Variants in ADSL observed in about 807,000 individuals in gnomAD.
The protein encoded by ADSL is adenylosuccinase.
In ADSL, 44 loss-of-function variants were observed where a neutral mutation model predicts 62.1. The ratio of observed to expected loss-of-function variants is 0.71; its 90% CI spans 0.56 to 0.91. ADSL has a LOEUF of 0.91. Ranked by LOEUF, ADSL falls within the 40% of genes least tolerant of loss-of-function variation. The pLI, the probability that ADSL is intolerant of heterozygous loss-of-function variation, is 0.00. For missense variants in ADSL, 531 were observed against 627.4 expected (o/e 0.85, Z 1.64); for synonymous variants, 198 against 220.5 (o/e 0.90, Z 0.90).
intron 4 of ADSL, among the ~76,000 whole-genome samples, chr22:40,355,685 ATGCTAATT>A (rs1601570684): frequency 1.3e-5 from 2 of 152,228 alleles, no homozygotes; most frequent in African/African-American, 4.8e-5. Context: ...GAACAAGTCC[ATGCTAATT>A]TACTTCTTTC....
chr22:40,352,514 C>T (rs928403052), intron 2 of ADSL, among the ~76,000 whole-genome samples: 13 of 151,808 alleles, frequency 8.6e-5, no homozygotes, highest in Non-Finnish European at 8.8e-5. Context: ...GGCGACAGAG[C>T]GAGACTCCCA....
rs2045074099 is a variant in ADSL, at chr22:40,368,712, A to AG, written c.*2192dup. 1 of 152,190 alleles carries AG rather than the reference A, an allele frequency of 6.6e-6. No individual in the cohort carries two copies. The highest frequency in any genetic ancestry group is 2.4e-5 in the African/African-American group (1 of 41,422). 9.4% of individuals were successfully genotyped at this position (152,190 alleles called of 1,614,324 possible). A position where few individuals can be genotyped will look rare whatever the true frequency, so the allele number is the denominator to read the frequency against. On this transcript the variant is annotated 3_prime_UTR_variant, in exon 13 of 13. Coordinates refer to ENST00000623063, the MANE Select transcript of ADSL (RefSeq NM_000026.4). Reference sequence around the variant, plus strand: ...GAGGCCGAGGCAGGTGGATCACCTGAGGTCAGGAGTTCGAGACCAGCTTGA... The same window carrying AG: ...GAGGCCGAGGCAGGTGGATCACCTGAGGGTCAGGAGTTCGAGACCAGCTTGA...
At chr22:40,375,158 G>C (rs1601687872) in intron 2 of ADSL, among the ~76,000 whole-genome samples, 1 of 152,052 alleles carries the variant, frequency 6.6e-6, no homozygotes, top group East Asian at 1.9e-4. Flanking sequence ...ACATATTTCT[G>C]CTTTTTCTAA....
At chr22:40,366,101 A>G (rs1342232927) in intron 12 of ADSL, among the ~76,000 whole-genome samples, 1 of 151,862 alleles carries the variant, frequency 6.6e-6, no homozygotes, top group Admixed American at 6.6e-5. Flanking sequence ...GGGGAGGGAG[A>G]GGAGGTTAAG....
At chr22:40,361,373 C>T (rs1392821344) in intron 8 of ADSL, 31 bp downstream of exon 8, 1 of 1,612,950 alleles carries the variant, frequency 6.2e-7, no homozygotes, top group Admixed American at 1.7e-5. Context: ...TGTGAGCACA[C>T]ATTGCTGCTG....
rs1455248909 is a variant in ADSL at position 40,387,428 on chromosome 22, T to C, written c.90-2802T>C. 4 of 379,092 alleles carry C rather than the reference T, an allele frequency of 1.1e-5. No individual in the cohort carries two copies. In the East Asian group the frequency reaches 1.5e-4, roughly 14 times the overall value. The allele number at this position is 379,092 out of a possible 1,614,324, so 23.5% of individuals were successfully genotyped here. A position where few individuals can be genotyped will look rare whatever the true frequency, so the allele number is the denominator to read the frequency against. ...AGATGAGATAGTTTGTTGACCTGTG[T>C]AGTTTAATTATATGAAAAATAGCAA... On this transcript the variant is annotated intron_variant, in intron 2 of 2. Coordinates refer to the ADSL transcript ENST00000498234.
chr22:40,375,695 T>C (rs1026647033), intron 2 of ADSL, among the ~76,000 whole-genome samples: 1 of 151,608 alleles, frequency 6.6e-6, no homozygotes, highest in Non-Finnish European at 1.5e-5. Flanking sequence ...AACAAAATTA[T>C]GTGACTTTTC....
intron 2 of ADSL, among the ~76,000 whole-genome samples, chr22:40,374,746 G>T (rs12160264): frequency 1.6e-4 from 24 of 152,368 alleles, no homozygotes; most frequent in African/African-American, 5.8e-4. Context: ...CAGTCATGGT[G>T]ATGTGCGCCT....
intron 11 of ADSL, 79 bp from the exon 12 acceptor site, chr22:40,364,801 G>A (rs2044935628): frequency 6.9e-7 from 1 of 1,452,290 alleles, no homozygotes; most frequent in East Asian, 2.3e-5. Flanking sequence ...CTGCATGGAT[G>A]GGAAGTATCT....
At chr22:40,346,880 AGATCCGG>A (rs2044163645) in intron 1 of ADSL, among the ~76,000 whole-genome samples, 169 bp downstream of exon 1, 1 of 152,142 alleles carries the variant, frequency 6.6e-6, no homozygotes, top group African/African-American at 2.4e-5. Context: ...CAAGGGCAGG[AGATCCGG>A]GAGCCGCCAC....
At position 40,361,533 on chromosome 22, in the gene ADSL, G is replaced by A. The variant is rs1235670046; in HGVS notation, c.908G>A (p.Arg303His). ...PYKRNPMRSE[R>H]CCSLARHLMT... ...AAGCGGAATCCCATGCGTTCAGAAC[G>A]TTGCTGCAGTCTTGCCCGCCACCTG... The change falls in exon 9 of 13, where the codon CGT becomes CAT. Residue 303 changes from arginine to histidine, a missense_variant. Arg to His is a conservative substitution (Grantham distance 29, BLOSUM62 0). Around this residue, in one of 2 missense-constraint regions of ADSL, gnomAD observed 471 missense variants for 592.9 expected, o/e 0.79. Coordinates refer to ENST00000623063, the MANE Select transcript of ADSL (RefSeq NM_000026.4). 15 of 1,614,088 alleles carry A rather than the reference G, an allele frequency of 9.3e-6. No individual in the cohort carries two copies. The highest frequency in any genetic ancestry group is 6.7e-5 in the East Asian group (3 of 44,902).
intron 12 of ADSL, among the ~76,000 whole-genome samples, chr22:40,365,569 A>G (rs958556120): frequency 4.7e-4 from 72 of 152,078 alleles, no homozygotes; most frequent in African/African-American, 1.6e-3. Context: ...AATTCTGGGG[A>G]TTTTAAAATG....
intron 5 of ADSL, 22 bp downstream of exon 5, chr22:40,359,057 G>A (rs766661439): frequency 6.2e-7 from 1 of 1,613,580 alleles, no homozygotes; most frequent in African/African-American, 1.3e-5. Flanking sequence ...GTGACCTGCA[G>A]GACACAGAAA....
intron 2 of ADSL, among the ~76,000 whole-genome samples, chr22:40,383,394 G>C (rs902305331): frequency 2.6e-5 from 4 of 151,648 alleles, no homozygotes; most frequent in Admixed American, 6.6e-5. Context: ...GTGAACCTGG[G>C]AGGTGGAGCT....
At chr22:40,353,016 A>C in intron 2 of ADSL, 57 bp from the exon 3 acceptor site, 3 of 1,493,910 alleles carry the variant, frequency 2.0e-6, no homozygotes, top group Non-Finnish European at 2.8e-6. Context: ...AGTGTTATGT[A>C]ATAATATTGT....
At chr22:40,363,676 C>T (rs1328379046) in intron 10 of ADSL, among the ~76,000 whole-genome samples, 1 of 147,782 alleles carries the variant, frequency 6.8e-6, no homozygotes, top group Non-Finnish European at 1.5e-5. Flanking sequence ...GTGGAAGTTG[C>T]GGTGAGCCGA....
rs1038379306 is a variant in ADSL, at chr22:40,367,558, A to T, written c.*1036A>T. The T allele has an allele frequency of 5.4e-5, 9 of 167,736 alleles. No homozygotes were observed. Among genetic ancestry groups the T allele is most frequent in the Non-Finnish European group, 2.9e-5 (2 of 68,268 alleles). 10.4% of individuals were successfully genotyped at this position (167,736 alleles called of 1,614,324 possible). On this transcript the variant is annotated 3_prime_UTR_variant, in exon 13 of 13. Transcript: ENST00000623063. ...AGAGCACATCAGATACTTGGCAACT[A>T]GGCAGTCTTCCAGCTTCTGCCACTG...
At chr22:40,371,858 G>A (rs575687235), downstream of ADSL, among the ~76,000 whole-genome samples, 119 of 151,656 alleles carry the variant, frequency 7.8e-4, no homozygotes, top group African/African-American at 2.8e-3. Context: ...CACCACGCCC[G>A]GCTAATTTGT....
chr22:40,385,875 G>A lies in ADSL; in HGVS notation c.90-4355G>A, dbSNP rs138439722. Among the ~76,000 whole-genome samples, 6 of 152,122 alleles carry A rather than the reference G, an allele frequency of 3.9e-5. No individual in the cohort carries two copies. In the South Asian group the frequency reaches 1.0e-3, roughly 26 times the overall value. On this transcript the variant is annotated intron_variant, in intron 2 of 2. Coordinates refer to the ADSL transcript ENST00000498234. ...ACAACTTTTTTTTTTCTTGAAGACC[G>A]GGTCTCACTCTGGTTGCCCAGGCTG...
Sources: gnomAD v4.1 joint callset for allele counts (sites outside exome capture counted in the v4.1 genomes callset) on GRCh38, gnomAD v4.1.1 for gene constraint, gnomAD v4.1.1 regional missense constraint, MANE v1.5 for transcripts, NCBI Gene and HGNC (gene_info 2026-07-23, HGNC 2026-07-21) for gene names.